Variants in MPI observed in about 807,000 individuals in gnomAD.
The protein encoded by MPI is mannose phosphate isomerase.
Under a neutral mutation model 40.1 loss-of-function variants are expected in MPI, and 33 were observed. The ratio of observed to expected loss-of-function variants is 0.82; its 90% CI spans 0.62 to 1.10. The LOEUF (loss-of-function observed/expected upper bound fraction) is 1.10, where lower values mean the gene tolerates loss of function less well. Ranked by LOEUF, MPI falls within the 50% of genes least tolerant of loss-of-function variation. The pLI, the probability that MPI is intolerant of heterozygous loss-of-function variation, is 0.00. For missense variants in MPI, 514 were observed against 524.1 expected, an observed-to-expected ratio of 0.98 and a Z score of 0.19; for synonymous variants, 187 against 207.4, an observed-to-expected ratio of 0.90 and a Z score of 0.85.
Position 74,899,039 on chromosome 15 carries a change from G to A in MPI, c.*1309G>A, listed in dbSNP as rs1055219033. The A allele has an allele frequency of 6.6e-6, 1 of 152,250 alleles. No individual in the cohort carries two copies. 9.4% of individuals were successfully genotyped at this position (152,250 alleles called of 1,614,324 possible). A position where few individuals can be genotyped will look rare whatever the true frequency, so the allele number is the denominator to read the frequency against. On this transcript the variant is annotated 3_prime_UTR_variant, in exon 8 of 8. Coordinates refer to ENST00000352410, the MANE Select transcript of MPI (RefSeq NM_002435.3). ...CCACTTCTCTACAACATACTCAACT[G>A]TTGCAGATTACAGGGACTCAGGAAC...
intron 3 of MPI, among the ~76,000 whole-genome samples, 187 bp from the exon 4 acceptor site, chr15:74,892,474 C>G (rs1256735045): frequency 6.6e-6 from 1 of 152,232 alleles, no homozygotes; most frequent in East Asian, 1.9e-4. Context: ...CTGATTTGCC[C>G]CTGCCCTGGG....
chr15:74,897,073 A>C lies in MPI; in HGVS notation c.907A>C (p.Ile303Leu). 1 of 1,614,164 alleles carries C rather than the reference A, an allele frequency of 6.2e-7. No individual in the cohort carries two copies. Among genetic ancestry groups the C allele is most frequent in the South Asian group, 1.1e-5 (1 of 91,080 alleles). Residue 303 changes from isoleucine (I) to leucine (L), a missense_variant, in exon 7 of 8, where the codon ATT (isoleucine) becomes CTT (leucine). Transcript: ENST00000352410. ...TVRAGLTPKF[I>L]DVPTLCEMLS... is the part of the protein sequence containing the mutation. ...TCGTGCTGGCCTGACACCCAAGTTCATTGATGTGCCAACCCTGTGTGAAAT... is the reference window on the plus strand; with the variant it reads ...TCGTGCTGGCCTGACACCCAAGTTCCTTGATGTGCCAACCCTGTGTGAAAT...
In MPI at chr15:74,897,905, T is replaced by C; in HGVS notation, c.*175T>C. 1.4e-6 allele frequency: 1 copy of C among 695,694 alleles called. No homozygotes were observed. The allele number at this position is 695,694 out of a possible 1,614,324, so 43.1% of individuals were successfully genotyped here. A position where few individuals can be genotyped will look rare whatever the true frequency, so the allele number is the denominator to read the frequency against. ...GTAGTGACTCCTGAACACACCCAGGTGGAACCATCTTTGGGGAGGAGAGGC... is the reference window on the plus strand; with the variant it reads ...GTAGTGACTCCTGAACACACCCAGGCGGAACCATCTTTGGGGAGGAGAGGC... On this transcript the variant is annotated 3_prime_UTR_variant, in exon 8 of 8. Transcript: ENST00000352410.
At chr15:74,892,628 C>A in intron 3 of MPI, 33 bp from the exon 4 acceptor site, 2 of 1,613,206 alleles carry the variant, frequency 1.2e-6, no homozygotes, top group Non-Finnish European at 1.7e-6. Context: ...GCTGTACCCT[C>A]ACCATCCTCC....
chr15:74,896,162 A>G lies in MPI; in HGVS notation c.681A>G (p.Gly227=), dbSNP rs1595822320. ...CTCTGTGACCCTCAGCGGCTGCCGG[A>G]AACAACATGGAGGACATCTTTGGGG... ...VKRISQQAAA[G]NNMEDIFGEL... is the part of the protein sequence containing the mutation. The change falls in exon 6 of 8, where the codon GGA becomes GGG. Residue 227 remains glycine, a synonymous_variant. Coordinates refer to ENST00000352410, the MANE Select transcript of MPI (RefSeq NM_002435.3). 6.2e-7 allele frequency: 1 copy of G among 1,614,128 alleles called. No individual in the cohort carries two copies. Among genetic ancestry groups the G allele is most frequent in the Middle Eastern group, 1.7e-4 (1 of 6,052 alleles).
At chr15:74,895,734 C>CA in intron 5 of MPI, 1 of 179,938 alleles carries the variant, frequency 5.6e-6, no homozygotes, top group Non-Finnish European at 1.2e-5. Context: ...TTTTGATTGT[C>CA]AAAACCCAGA....
Position 74,899,592 on chromosome 15 carries a change from A to G in MPI, c.*1862A>G, listed in dbSNP as rs2064875315. ...GAAGGAATTGCTGTAGTCAGCTGTT[A>G]AGCTATTTCTTCATTTCAGGATATC... On this transcript the variant is annotated 3_prime_UTR_variant, in exon 8 of 8. Transcript: ENST00000352410. 6.6e-6 allele frequency: 1 copy of G among 152,196 alleles called. No individual in the cohort carries two copies. The highest frequency in any genetic ancestry group is 6.5e-5 in the Admixed American group (1 of 15,272). 9.4% of individuals were successfully genotyped at this position (152,196 alleles called of 1,614,324 possible). A position where few individuals can be genotyped will look rare whatever the true frequency, so the allele number is the denominator to read the frequency against.
At chr15:74,893,011 CAA>C (rs1181965068) in intron 4 of MPI, 125 bp from the exon 5 acceptor site, 2 of 1,390,038 alleles carry the variant, frequency 1.4e-6, no homozygotes, top group African/African-American at 1.4e-5. Flanking sequence ...GTTTCCACTG[CAA>C]AGTTTACTTA....
At chr15:74,891,103 C>G in intron 2 of MPI, 1 of 597,484 alleles carries the variant, frequency 1.7e-6, no homozygotes, top group South Asian at 1.6e-5. Flanking sequence ...GTGCAGATGT[C>G]ATTCTCCTCT....
chr15:74,891,995 CCTT>C (rs1282523757), intron 3 of MPI, among the ~76,000 whole-genome samples: 1 of 151,992 alleles, frequency 6.6e-6, no homozygotes, highest in Non-Finnish European at 1.5e-5. Flanking sequence ...GATCAAAACT[CCTT>C]TTTTTTTTTT....
Position 74,893,182 on chromosome 15 carries a change from C to T in MPI, c.532C>T (p.His178Tyr), listed in dbSNP as rs1204655433. Residue 178 changes from histidine to tyrosine, a missense_variant, in exon 5 of 8, where the codon CAC (histidine) becomes TAC (tyrosine). Physicochemically the swap from His to Tyr is moderately conservative, Grantham distance 83 (BLOSUM62 2). Transcript: ENST00000352410. Reference sequence around the variant, plus strand: ...CCTGATTGGAGATGAGGCAGCAACACACCTGAAGCAGACCATGAGCCATGA... The same window carrying T: ...CCTGATTGGAGATGAGGCAGCAACATACCTGAAGCAGACCATGAGCCATGA... ...QFLIGDEAATHLKQTMSHDSQ... is the reference protein window; with the variant it reads ...QFLIGDEAATYLKQTMSHDSQ... The T allele has an allele frequency of 1.2e-6, 2 of 1,614,212 alleles. No individual in the cohort carries two copies. The highest frequency in any genetic ancestry group is 3.3e-5 in the Admixed American group (2 of 60,032).
In MPI at chr15:74,893,296, T is replaced by C; in HGVS notation, c.646T>C (p.Leu216=). 6.2e-7 allele frequency: 1 copy of C among 1,614,218 alleles called. No individual in the cohort carries two copies. The highest frequency in any genetic ancestry group is 8.5e-7 in the Non-Finnish European group (1 of 1,180,022). The change falls in exon 5 of 8, where the codon TTG becomes CTG. Residue 216 remains leucine, a synonymous_variant. Transcript: ENST00000352410. The part of the protein sequence containing the change: ...KKVVVEQLNL[L]VKRISQQAAA... ...GGTGGTGGTGGAACAGCTCAACCTG[T>C]TGGTGAAGCGGATCTCCCAGCAAGG...
chr15:74,892,621 G>A (rs1301422573), intron 3 of MPI, 40 bp from the exon 4 acceptor site: 7 of 1,612,544 alleles, frequency 4.3e-6, no homozygotes, highest in Admixed American at 1.7e-5. Flanking sequence ...GGTAATGGCT[G>A]TACCCTCACC....
In MPI at chr15:74,890,467, C is replaced by T. The variant is rs2064707358; in HGVS notation, c.17-60C>T. The T allele has an allele frequency of 2.5e-6, 4 of 1,611,774 alleles. No homozygotes were observed. The East Asian group carries it at 6.7e-5, about 27-fold the overall frequency. On this transcript the variant is annotated intron_variant, in intron 1 of 7. Transcript: ENST00000352410. ...CACCCCCAGCTCTTGCCTGGTTTCC[C>T]GGGACACTAGGGTGGGGCCTGAGGA... is the stretch of plus-strand genomic sequence containing the variant.
intron 6 of MPI, 157 bp downstream of exon 6, chr15:74,896,482 G>A: frequency 1.3e-6 from 1 of 798,202 alleles, no homozygotes; most frequent in Non-Finnish European, 2.1e-6. Context: ...ACAGCTGGTA[G>A]GGATGATGAA....
At chr15:74,896,580 G>T (rs564787251) in intron 6 of MPI, 1 of 649,604 alleles carries the variant, frequency 1.5e-6, no homozygotes, top group South Asian at 1.7e-5. Flanking sequence ...AGTCAGTGTG[G>T]GAACCACAAT....
In MPI at chr15:74,894,942, C is replaced by T. The variant is rs561259730; in HGVS notation, c.671-1210C>T. On this transcript the variant is annotated intron_variant, in intron 5 of 7. Transcript: ENST00000352410. Reference sequence around the variant, plus strand: ...CTGCCTCATGCTCTCTGGAGCAGACCGAGAGAGATTCTCTGAGACATAGAA... The same window carrying T: ...CTGCCTCATGCTCTCTGGAGCAGACTGAGAGAGATTCTCTGAGACATAGAA... Among the ~76,000 whole-genome samples the T allele has an allele frequency of 7.2e-5, 11 of 151,814 alleles. No individual in the cohort carries two copies. The South Asian group carries it at 1.3e-3, about 17-fold the overall frequency.
chr15:74,897,552 A>T lies in MPI; in HGVS notation c.1094A>T (p.Asp365Val). Residue 365 changes from aspartate to valine, a missense_variant, in exon 8 of 8, where the codon GAC becomes GTC. Coordinates refer to ENST00000352410, the MANE Select transcript of MPI (RefSeq NM_002435.3). ...SVTEYKVLAL[D>V]SASILLMVQG... ...ACTGAATACAAGGTCTTGGCACTGGACTCTGCCAGCATCCTCCTGATGGTA... is the reference window on the plus strand; with the variant it reads ...ACTGAATACAAGGTCTTGGCACTGGTCTCTGCCAGCATCCTCCTGATGGTA... The T allele has an allele frequency of 6.2e-7, 1 of 1,613,958 alleles. No individual in the cohort carries two copies. Among genetic ancestry groups the T allele is most frequent in the Non-Finnish European group, 8.5e-7 (1 of 1,179,962 alleles).
Position 74,899,076 on chromosome 15 carries a change from A to G in MPI, c.*1346A>G, listed in dbSNP as rs1275561412. On this transcript the variant is annotated 3_prime_UTR_variant, in exon 8 of 8. Transcript: ENST00000352410. ...AGGGACTCAGGAACCGAATTAGACAATTTTCATGGCGAGGAGAAGCCCAGT... is the reference window on the plus strand; with the variant it reads ...AGGGACTCAGGAACCGAATTAGACAGTTTTCATGGCGAGGAGAAGCCCAGT... 1 of 152,152 alleles carries G rather than the reference A, an allele frequency of 6.6e-6. No homozygotes were observed. Among genetic ancestry groups the G allele is most frequent in the Admixed American group, 6.5e-5 (1 of 15,280 alleles). 9.4% of individuals were successfully genotyped at this position (152,152 alleles called of 1,614,324 possible).
Sources: gnomAD v4.1 joint callset for allele counts (sites outside exome capture counted in the v4.1 genomes callset) on GRCh38, gnomAD v4.1.1 for gene constraint, MANE v1.5 for transcripts, NCBI Gene and HGNC (gene_info 2026-07-23, HGNC 2026-07-21) for gene names.